Variants in CAST observed in about 807,000 individuals in gnomAD.
CAST encodes the protein MIR583 host.
Under a neutral mutation model 119.6 loss-of-function variants are expected in CAST, and 76 were observed. That is an observed-to-expected ratio of 0.64 (90% CI 0.53 to 0.77). The LOEUF (loss-of-function observed/expected upper bound fraction) is 0.77, where lower values mean the gene tolerates loss of function less well. Among genes scored for constraint, CAST ranks in the 30% least tolerant of loss-of-function variants. The pLI, the probability that CAST is intolerant of heterozygous loss-of-function variation, is 0.00. For synonymous variants in CAST, 319 were observed against 331.6 expected (o/e 0.96, Z 0.41); for missense variants, 953 against 946.5 (o/e 1.01, Z -0.09).
the CAST span, among the ~76,000 whole-genome samples, chr5:95,997,692 C>G: frequency 5.9e-5 from 9 of 152,108 alleles, no homozygotes; most frequent in Non-Finnish European, 1.3e-4. Context: ...ATGCAATGTC[C>G]TGTTCAGATG....
At chr5:96,018,335 T>C in the CAST span, among the ~76,000 whole-genome samples, 1 of 152,082 alleles carries the variant, frequency 6.6e-6, no homozygotes, top group Non-Finnish European at 1.5e-5. Context: ...GCAAATTACT[T>C]GGTATGGAGG....
chr5:96,401,083 T>C, the CAST span, among the ~76,000 whole-genome samples: 1 of 51,584 alleles, frequency 1.9e-5, no homozygotes, highest in Non-Finnish European at 3.1e-5. Context: ...CGGGACTCCG[T>C]CTCAAAAAAA....
intron 6 of CAST, 76 bp from the exon 7 acceptor site, chr5:96,729,077 T>C (rs1759923965): frequency 1.1e-6 from 1 of 935,550 alleles, no homozygotes; most frequent in African/African-American, 1.7e-5. Flanking sequence ...TAGTTGGAAT[T>C]TTGTTCTTGT....
At chr5:96,119,770 G>A in the CAST span, among the ~76,000 whole-genome samples, 1 of 152,152 alleles carries the variant, frequency 6.6e-6, no homozygotes, top group Non-Finnish European at 1.5e-5. Flanking sequence ...GGAAGGTGTA[G>A]TAGATATGTG....
At chr5:96,453,571 A>G in the CAST span, among the ~76,000 whole-genome samples, 2 of 152,224 alleles carry the variant, frequency 1.3e-5, no homozygotes, top group African/African-American at 4.8e-5. Context: ...ATTACCATCG[A>G]GCACTGATAG....
the CAST span, among the ~76,000 whole-genome samples, chr5:96,180,918 GT>G: frequency 6.6e-6 from 1 of 152,186 alleles, no homozygotes; most frequent in Admixed American, 6.5e-5. Flanking sequence ...TGTTGTGAAA[GT>G]TTAAACTGCA....
the CAST span, among the ~76,000 whole-genome samples, chr5:95,962,913 G>A: frequency 6.6e-6 from 1 of 152,186 alleles, no homozygotes; most frequent in Non-Finnish European, 1.5e-5. Flanking sequence ...GGCGTGAGGG[G>A]CGTGCAAAGG....
chr5:96,421,757 T>C, the CAST span: 4 of 744,708 alleles, frequency 5.4e-6, no homozygotes. Flanking sequence ...TATTGTGGTA[T>C]GGATGTTGTG....
the CAST span, among the ~76,000 whole-genome samples, chr5:96,137,953 G>A: frequency 6.6e-5 from 10 of 150,988 alleles, no homozygotes; most frequent in Non-Finnish European, 1.0e-4. Context: ...TTTCATTTTC[G>A]TAACAGTGTC....
At chr5:96,729,089 C>T (rs1759925186) in intron 6 of CAST, 64 bp from the exon 7 acceptor site, 1 of 1,021,734 alleles carries the variant, frequency 9.8e-7, no homozygotes, top group East Asian at 2.4e-5. Flanking sequence ...TGTTCTTGTT[C>T]TTGTTTGAAA....
At chr5:96,570,998 A>G (rs1746557731) in intron 1 of CAST, among the ~76,000 whole-genome samples, 1 of 152,168 alleles carries the variant, frequency 6.6e-6, no homozygotes, top group Non-Finnish European at 1.5e-5. Context: ...ATGATATTAC[A>G]CAAGGTGGAA....
At chr5:96,416,661 C>T in the CAST span, among the ~76,000 whole-genome samples, 239 of 152,246 alleles carry the variant, frequency 1.6e-3, 1 homozygote, top group African/African-American at 5.7e-3. Flanking sequence ...TAAATATATG[C>T]CACACTAAAA....
At chr5:96,580,544 A>G (rs528017652) in intron 1 of CAST, among the ~76,000 whole-genome samples, 226 of 152,314 alleles carry the variant, frequency 1.5e-3, no homozygotes, top group Non-Finnish European at 2.8e-3. Context: ...TTAGCTGGGT[A>G]TCTTGTAAAA....
the CAST span, among the ~76,000 whole-genome samples, chr5:96,226,295 T>C: frequency 6.6e-6 from 1 of 152,112 alleles, no homozygotes; most frequent in Non-Finnish European, 1.5e-5. Flanking sequence ...GTTGTACCAA[T>C]GAACAGTAGG....
At chr5:96,043,250 G>A in the CAST span, among the ~76,000 whole-genome samples, 1 of 152,158 alleles carries the variant, frequency 6.6e-6, no homozygotes, top group Non-Finnish European at 1.5e-5. Context: ...ATTGCAGAAT[G>A]CCGACCAGTA....
chr5:96,375,889 C>T, the CAST span, among the ~76,000 whole-genome samples: 1 of 133,132 alleles, frequency 7.5e-6, no homozygotes, highest in East Asian at 2.0e-4. Context: ...TAAAATAAAT[C>T]TCTCTCTCTC....
chr5:96,103,917 A>G, the CAST span, among the ~76,000 whole-genome samples: 1 of 151,694 alleles, frequency 6.6e-6, no homozygotes, highest in East Asian at 1.9e-4. Context: ...ATGGTATCTC[A>G]TTGTGGTTTT....
At chr5:96,445,494 G>C in the CAST span, among the ~76,000 whole-genome samples, 1 of 152,180 alleles carries the variant, frequency 6.6e-6, no homozygotes, top group African/African-American at 2.4e-5. Flanking sequence ...ATGTATTCTA[G>C]ACCTCCATGG....
At chr5:96,141,659 T>C in the CAST span, among the ~76,000 whole-genome samples, 2 of 152,332 alleles carry the variant, frequency 1.3e-5, no homozygotes, top group South Asian at 4.1e-4. Flanking sequence ...TGTATAGTCT[T>C]GCTATTGAAA....
Sources: allele counts gnomAD v4.1 joint callset (sites outside exome capture counted in the v4.1 genomes callset), GRCh38; gene constraint gnomAD v4.1.1; transcripts MANE v1.5; gene names NCBI Gene and HGNC (gene_info 2026-07-23, HGNC 2026-07-21).